TAFA1: variants seen among roughly 807,000 people sequenced by gnomAD.
TAFA1 encodes the protein chemokine-like protein TAFA-1.
A neutral mutation model predicts 18.5 loss-of-function variants in TAFA1; 4 were observed. The ratio of observed to expected loss-of-function variants is 0.22; its 90% CI spans 0.11 to 0.49. The LOEUF (loss-of-function observed/expected upper bound fraction) is 0.49. Among genes scored for constraint, TAFA1 ranks in the 20% least tolerant of loss-of-function variants. TAFA1 has a pLI of 0.98. For synonymous variants in TAFA1, 56 were observed against 55.2 expected (o/e 1.01, Z -0.06); for missense variants, 147 against 169.0 (o/e 0.87, Z 0.72).
intron 2 of TAFA1, among the ~76,000 whole-genome samples, chr3:68,234,938 T>C (rs1315449516): frequency 1.3e-5 from 2 of 152,182 alleles, no homozygotes; most frequent in East Asian, 3.9e-4. Flanking sequence ...GTAGAGATCC[T>C]TGAATGAATT....
At chr3:68,524,034 A>C (rs1259059367) in intron 3 of TAFA1, among the ~76,000 whole-genome samples, 1 of 152,192 alleles carries the variant, frequency 6.6e-6, no homozygotes, top group Non-Finnish European at 1.5e-5. Context: ...TTGTATAACA[A>C]ATCTCCACAC....
At chr3:68,271,680 TACCCCACA>T (rs1244416722) in intron 2 of TAFA1, among the ~76,000 whole-genome samples, 1 of 152,136 alleles carries the variant, frequency 6.6e-6, no homozygotes, top group African/African-American at 2.4e-5. Flanking sequence ...TTGTGTCGAA[TACCCCACA>T]GTGTCCAAAG....
chr3:68,416,469 G>A (rs1313283599), intron 2 of TAFA1, among the ~76,000 whole-genome samples: 1 of 152,160 alleles, frequency 6.6e-6, no homozygotes, highest in African/African-American at 2.4e-5. Flanking sequence ...GTTGATTCCT[G>A]GTTTCTGGTC....
At chr3:68,449,181 A>G (rs2071524386) in intron 3 of TAFA1, among the ~76,000 whole-genome samples, 1 of 152,342 alleles carries the variant, frequency 6.6e-6, no homozygotes, top group Admixed American at 6.5e-5. Flanking sequence ...GGCTTCCTGC[A>G]GGAGGCGGTG....
intron 2 of TAFA1, among the ~76,000 whole-genome samples, chr3:68,322,891 G>A (rs760772647): frequency 7.2e-5 from 11 of 151,976 alleles, no homozygotes; most frequent in Non-Finnish European, 1.5e-4. Context: ...TGCAGTGAGC[G>A]AAGATCACAC....
intron 2 of TAFA1, among the ~76,000 whole-genome samples, chr3:68,201,077 C>G (rs1382004041): frequency 6.6e-6 from 1 of 151,422 alleles, no homozygotes; most frequent in East Asian, 2.0e-4. Flanking sequence ...TTTTTGTTTT[C>G]ACTCATTTTA....
At chr3:68,022,901 C>A (rs1704727487) in intron 2 of TAFA1, among the ~76,000 whole-genome samples, 2 of 144,198 alleles carry the variant, frequency 1.4e-5, no homozygotes, top group Non-Finnish European at 3.0e-5. Context: ...GTGCCTGGCC[C>A]TGTGCTAATC....
In TAFA1 at chr3:68,505,739, A is replaced by G. The variant is rs1606243; in HGVS notation, c.260-33017A>G. Among the ~76,000 whole-genome samples, 3 of 151,956 alleles carry G rather than the reference A, an allele frequency of 2.0e-5. No individual in the cohort carries two copies. The East Asian group carries it at 5.8e-4, about 29-fold the overall frequency. ...AAGCTACTTGCAATTCCCTGCCACA[A>G]GACCCCTCCCACAGGCAGTTTGCAA... is the stretch of plus-strand genomic sequence containing the variant. On this transcript the variant is annotated intron_variant, in intron 3 of 4. Coordinates refer to ENST00000478136, the MANE Select transcript of TAFA1 (RefSeq NM_213609.4).
chr3:68,499,295 G>A (rs567086747), intron 3 of TAFA1, among the ~76,000 whole-genome samples: 471 of 151,500 alleles, frequency 3.1e-3, no homozygotes, highest in Non-Finnish European at 5.6e-3. Context: ...GCTTATTGAT[G>A]CATTCAAATC....
intron 2 of TAFA1, among the ~76,000 whole-genome samples, chr3:68,122,607 A>G (rs2065414370): frequency 6.6e-6 from 1 of 152,226 alleles, no homozygotes; most frequent in Non-Finnish European, 1.5e-5. Context: ...AATGAAATTC[A>G]ATGTCAAGAT....
Position 68,411,696 on chromosome 3 carries a change from G to A in TAFA1, c.119-5584G>A, listed in dbSNP as rs1416289242. On this transcript the variant is annotated intron_variant, in intron 2 of 4. Coordinates refer to ENST00000478136, the MANE Select transcript of TAFA1 (RefSeq NM_213609.4). The stretch of plus-strand genomic sequence containing the variant: ...AGAATATCTCCTTTCTTAGAGTAGA[G>A]GTAACTGAGCCCCCTTGGATAATCC... Among the ~76,000 whole-genome samples, 4 of 152,132 alleles carry A rather than the reference G, an allele frequency of 2.6e-5. No individual in the cohort carries two copies. The East Asian group carries it at 7.7e-4, about 29-fold the overall frequency.
At chr3:68,187,153 T>C (rs890023815) in intron 2 of TAFA1, among the ~76,000 whole-genome samples, 1 of 152,008 alleles carries the variant, frequency 6.6e-6, no homozygotes, top group African/African-American at 2.4e-5. Flanking sequence ...AAATAAAACA[T>C]GAATATTGTC....
chr3:68,168,628 A>G (rs2066014384), intron 2 of TAFA1, among the ~76,000 whole-genome samples: 1 of 152,186 alleles, frequency 6.6e-6, no homozygotes, highest in African/African-American at 2.4e-5. Context: ...TCTCGTACCA[A>G]CGGTTTAGCT....
intron 2 of TAFA1, among the ~76,000 whole-genome samples, chr3:68,103,459 A>C (rs754839404): frequency 1.3e-5 from 2 of 152,304 alleles, no homozygotes; most frequent in East Asian, 3.9e-4. Context: ...AATATGAATA[A>C]TTATTAAAGG....
rs149757984 is a variant in TAFA1, at chr3:68,397,386, C to T, written c.119-19894C>T. 1.2e-4 allele frequency among the ~76,000 whole-genome samples: 18 copies of T among 152,282 alleles called. No homozygotes were observed. The East Asian group carries it at 3.5e-3, about 29-fold the overall frequency. ...TCCATGTGTCCTCACTGTTCAACTT[C>T]CATTTATGAGTGAGAACATGTGGTG... On this transcript the variant is annotated intron_variant, in intron 2 of 4. Transcript: ENST00000478136.
At chr3:68,408,489 T>A (rs1271177893) in intron 2 of TAFA1, among the ~76,000 whole-genome samples, 1 of 152,184 alleles carries the variant, frequency 6.6e-6, no homozygotes, top group Non-Finnish European at 1.5e-5. Flanking sequence ...TGTGAACATA[T>A]CCACATAATG....
chr3:68,537,191 A>C (rs1381535763), intron 3 of TAFA1, among the ~76,000 whole-genome samples: 3 of 152,174 alleles, frequency 2.0e-5, no homozygotes, highest in African/African-American at 7.2e-5. Context: ...GAAGACCCAA[A>C]AATTAAGTGT....
chr3:68,139,684 A>G (rs935243444), intron 2 of TAFA1, among the ~76,000 whole-genome samples: 2 of 152,212 alleles, frequency 1.3e-5, no homozygotes, highest in African/African-American at 4.8e-5. Flanking sequence ...AGTTAAGATC[A>G]TGTAATTATG....
chr3:68,116,697 CT>C (rs1411587807), intron 2 of TAFA1, among the ~76,000 whole-genome samples: 1 of 152,158 alleles, frequency 6.6e-6, no homozygotes, highest in Non-Finnish European at 1.5e-5. Flanking sequence ...TGCTTGCCCC[CT>C]CATCTCTGCT....
Sources: allele counts gnomAD v4.1 joint callset (sites outside exome capture counted in the v4.1 genomes callset), GRCh38; gene constraint gnomAD v4.1.1; transcripts MANE v1.5; gene names NCBI Gene and HGNC (gene_info 2026-07-23, HGNC 2026-07-21).